CCSER1: variants seen among roughly 807,000 people sequenced by gnomAD.
CCSER1 encodes the protein serine-rich coiled-coil domain-containing protein 1.
CCSER1 carries 41 observed loss-of-function variants against 82.0 expected under a neutral mutation model. The ratio of observed to expected loss-of-function variants is 0.50; its 90% CI spans 0.39 to 0.65. The LOEUF is 0.65. CCSER1 is among the 30% of genes least tolerant of loss of function. The pLI, the probability that CCSER1 is intolerant of heterozygous loss-of-function variation, is 0.00. For missense variants in CCSER1, 1,119 were observed against 1,064.2 expected (o/e 1.05, Z -0.72); for synonymous variants, 414 against 383.9 (o/e 1.08, Z -0.92).
intron 10 of CCSER1, among the ~76,000 whole-genome samples, chr4:91,507,174 C>G (rs1307389738): frequency 6.6e-6 from 1 of 152,048 alleles, no homozygotes; most frequent in South Asian, 2.1e-4. Flanking sequence ...CACATGGTAA[C>G]TTTATATTTA....
chr4:90,998,481 G>A, intron 9 of CCSER1, among the ~76,000 whole-genome samples: 1 of 152,022 alleles, frequency 6.6e-6, no homozygotes, highest in Non-Finnish European at 1.5e-5. Context: ...TAAATCATCA[G>A]CAAAAAATAT....
At chr4:91,171,492 GA>G (rs938228410) in intron 10 of CCSER1, among the ~76,000 whole-genome samples, 3 of 152,156 alleles carry the variant, frequency 2.0e-5, no homozygotes, top group African/African-American at 7.2e-5. Context: ...AAAAGTCACA[GA>G]AATGTTTCTG....
chr4:90,307,457 T>C (rs1734501774), intron 1 of CCSER1, among the ~76,000 whole-genome samples: 1 of 135,542 alleles, frequency 7.4e-6, no homozygotes. Context: ...TTTCTTCTTC[T>C]AATGGCCTGC....
chr4:90,927,298 T>G (rs1729185319), intron 9 of CCSER1, among the ~76,000 whole-genome samples: 1 of 152,062 alleles, frequency 6.6e-6, no homozygotes, highest in South Asian at 2.1e-4. Context: ...TAAAGCAGTT[T>G]CTTCCTTCAT....
At chr4:90,463,515 C>G (rs1422478961) in intron 4 of CCSER1, among the ~76,000 whole-genome samples, 3 of 152,142 alleles carry the variant, frequency 2.0e-5, no homozygotes, top group Non-Finnish European at 2.9e-5. Flanking sequence ...TTGTGTCTAT[C>G]TTGTCATTTA....
chr4:90,313,041 C>T lies in CCSER1; in HGVS notation c.1503C>T (p.Asn501=), dbSNP rs1250245916. ...CAGGTTCTTCATCTTCAAAAATGAA[C>T]AGTTTGGTAAGTATATACATATGTC... ...QRAGSSSSKM[N]SLDVLNNLGS... The change falls in exon 3 of 11, where the codon AAC becomes AAT. Residue 501 remains asparagine, a synonymous_variant. Coordinates refer to ENST00000509176, the MANE Select transcript of CCSER1 (RefSeq NM_001145065.2). 2 of 1,595,740 alleles carry T rather than the reference C, an allele frequency of 1.3e-6. No individual in the cohort carries two copies. Among genetic ancestry groups the T allele is most frequent in the East Asian group, 2.2e-5 (1 of 44,482 alleles).
intron 10 of CCSER1, among the ~76,000 whole-genome samples, chr4:91,408,569 C>G (rs1334942180): frequency 6.6e-6 from 1 of 152,130 alleles, no homozygotes; most frequent in Non-Finnish European, 1.5e-5. Context: ...AGTTTTACAT[C>G]TCTTCCTAAA....
chr4:91,441,712 C>A (rs1755167206), intron 10 of CCSER1, among the ~76,000 whole-genome samples: 1 of 152,068 alleles, frequency 6.6e-6, no homozygotes, highest in Non-Finnish European at 1.5e-5. Context: ...GACTGTATAT[C>A]TAGAAAACCC....
At chr4:91,177,345 T>G (rs1236932538) in intron 10 of CCSER1, among the ~76,000 whole-genome samples, 3 of 152,158 alleles carry the variant, frequency 2.0e-5, no homozygotes, top group Non-Finnish European at 4.4e-5. Flanking sequence ...AAATGAGTAA[T>G]GGAGGATTCC....
chr4:91,028,360 A>G (rs377654989), intron 9 of CCSER1, among the ~76,000 whole-genome samples: 1 of 151,958 alleles, frequency 6.6e-6, no homozygotes, highest in Non-Finnish European at 1.5e-5. Context: ...AGATCAAATC[A>G]TATGTTCATG....
intron 1 of CCSER1, among the ~76,000 whole-genome samples, chr4:90,180,126 A>G (rs1002747116): frequency 2.1e-5 from 3 of 146,284 alleles, no homozygotes; most frequent in Non-Finnish European, 4.5e-5. Flanking sequence ...GTAGTTATAT[A>G]TATATATATA....
intron 10 of CCSER1, among the ~76,000 whole-genome samples, chr4:91,243,034 C>T (rs1420150670): frequency 6.6e-6 from 1 of 152,188 alleles, no homozygotes; most frequent in African/African-American, 2.4e-5. Context: ...CTTGAATTCC[C>T]AGTGCCTCTC....
intron 7 of CCSER1, among the ~76,000 whole-genome samples, chr4:90,769,745 A>AC: frequency 6.6e-6 from 1 of 152,364 alleles, no homozygotes; most frequent in African/African-American, 2.4e-5. Flanking sequence ...AACCTGATTC[A>AC]GATGACAAGA....
chr4:90,407,306 G>A (rs961927171), intron 4 of CCSER1, among the ~76,000 whole-genome samples: 1 of 152,094 alleles, frequency 6.6e-6, no homozygotes, highest in African/African-American at 2.4e-5. Context: ...TAAACCAGGA[G>A]GATATAAAAT....
intron 5 of CCSER1, among the ~76,000 whole-genome samples, chr4:90,516,338 G>A (rs191601652): frequency 6.6e-6 from 1 of 152,266 alleles, no homozygotes; most frequent in Admixed American, 6.5e-5. Context: ...ATTTTATGGG[G>A]ATTCATTTAT....
intron 10 of CCSER1, among the ~76,000 whole-genome samples, chr4:91,462,421 C>A (rs1199318505): frequency 6.6e-6 from 1 of 152,064 alleles, no homozygotes; most frequent in Non-Finnish European, 1.5e-5. Flanking sequence ...GTCTACAGCT[C>A]CTAGCGTCAG....
rs138596454 is a variant in CCSER1 at position 91,216,039 on chromosome 4, C to T, written c.2217+130045C>T. ...TCTGAATCTCATACACTTTGTCCTT[C>T]TCAAAACTTTTGCTTATTGGGTTAC... On this transcript the variant is annotated intron_variant, in intron 10 of 10. Transcript: ENST00000509176. Among the ~76,000 whole-genome samples the T allele has an allele frequency of 6.8e-4, 103 of 152,278 alleles. 3 individuals are homozygous for T. In the East Asian group the frequency reaches 0.018, roughly 27 times the overall value.
chr4:91,195,731 A>G (rs565044970), intron 10 of CCSER1, among the ~76,000 whole-genome samples: 1 of 152,316 alleles, frequency 6.6e-6, no homozygotes, highest in African/African-American at 2.4e-5. Context: ...AAAAATATTC[A>G]AAGATTGTCT....
intron 6 of CCSER1, among the ~76,000 whole-genome samples, chr4:90,700,004 A>G (rs1474586954): frequency 2.0e-5 from 3 of 150,622 alleles, no homozygotes; most frequent in Non-Finnish European, 4.4e-5. Context: ...TTTTTTAATT[A>G]TACTTTAAGT....
Sources: allele counts gnomAD v4.1 joint callset (sites outside exome capture counted in the v4.1 genomes callset), GRCh38; gene constraint gnomAD v4.1.1; transcripts MANE v1.5; gene names NCBI Gene and HGNC (gene_info 2026-07-23, HGNC 2026-07-21).